FHOD3: variants seen among roughly 807,000 people sequenced by gnomAD.
FHOD3 encodes the protein FH1/FH2 domain-containing protein 3.
A neutral mutation model predicts 173.0 loss-of-function variants in FHOD3; 90 were observed. The ratio of observed to expected loss-of-function variants is 0.52; its 90% CI spans 0.44 to 0.62. The LOEUF (loss-of-function observed/expected upper bound fraction) is 0.62. Ranked by LOEUF, FHOD3 falls within the 20% of genes least tolerant of loss-of-function variation. The pLI, the probability that FHOD3 is intolerant of heterozygous loss-of-function variation, is 0.00. For missense variants in FHOD3, 1,945 were observed against 2,034.7 expected, an observed-to-expected ratio of 0.96 and a Z score of 0.85; for synonymous variants, 828 against 823.0, an observed-to-expected ratio of 1.01 and a Z score of -0.10.
At chr18:36,540,558 A>G (rs986429800) in intron 5 of FHOD3, among the ~76,000 whole-genome samples, 3 of 152,218 alleles carry the variant, frequency 2.0e-5, no homozygotes, top group Admixed American at 6.5e-5. Context: ...CAGTGCTGCT[A>G]TATCCAGGTC....
chr18:36,758,397 T>C (rs1194450171), intron 25 of FHOD3, among the ~76,000 whole-genome samples: 1 of 152,242 alleles, frequency 6.6e-6, no homozygotes, highest in African/African-American at 2.4e-5. Context: ...GATATTTTAT[T>C]TAAAGTAACT....
intron 20 of FHOD3, among the ~76,000 whole-genome samples, chr18:36,739,068 AT>A (rs775096889): frequency 4.8e-4 from 73 of 152,298 alleles, no homozygotes; most frequent in Non-Finnish European, 7.9e-4. Context: ...GACAAAAGCA[AT>A]CCTTAGCTGC....
At chr18:36,459,109 T>C (rs973136670) in intron 3 of FHOD3, among the ~76,000 whole-genome samples, 5 of 152,206 alleles carry the variant, frequency 3.3e-5, no homozygotes, top group Non-Finnish European at 5.9e-5. Flanking sequence ...TGTGTTTCTT[T>C]TTCCTATACT....
In FHOD3 at chr18:36,740,851, T is replaced by G. The variant is rs1233038072; in HGVS notation, c.3759+13T>G. On this transcript the variant is annotated intron_variant, in intron 21 of 28. Transcript: ENST00000590592. ...AACTACAGAAAAGGTAAGCTCTCTG[T>G]AAGAGAGGCCGCTGATCCCACATCC... The G allele has an allele frequency of 6.2e-7, 1 of 1,601,718 alleles. No homozygotes were observed. Among genetic ancestry groups the G allele is most frequent in the African/African-American group, 1.4e-5 (1 of 73,820 alleles).
intron 10 of FHOD3, among the ~76,000 whole-genome samples, chr18:36,643,564 C>T (rs1428376194): frequency 6.6e-6 from 1 of 152,114 alleles, no homozygotes; most frequent in East Asian, 1.9e-4. Context: ...ACCTATATAT[C>T]CTCGTATCAA....
In FHOD3 at chr18:36,297,807, G is replaced by A; in HGVS notation, c.-29G>A. On this transcript the variant is annotated 5_prime_UTR_variant, in exon 1 of 29. Transcript: ENST00000590592. ...CGGCCCGCGGCCCCGCTAACCCCGG[G>A]GCCCGCGCCCCCGCGGCAGGGATGC... is the stretch of plus-strand genomic sequence containing the variant. 2 of 1,492,648 alleles carry A rather than the reference G, an allele frequency of 1.3e-6. No individual in the cohort carries two copies. Among genetic ancestry groups the A allele is most frequent in the South Asian group, 1.3e-5 (1 of 78,864 alleles). 92.5% of individuals were successfully genotyped at this position (1,492,648 alleles called of 1,614,324 possible).
chr18:36,413,662 C>T (rs937765324), intron 3 of FHOD3, among the ~76,000 whole-genome samples: 1 of 152,190 alleles, frequency 6.6e-6, no homozygotes, highest in East Asian at 1.9e-4. Context: ...CTAAGGGACA[C>T]TTAGAGTTAC....
intron 1 of FHOD3, among the ~76,000 whole-genome samples, chr18:36,305,773 G>A (rs558293624): frequency 6.6e-6 from 1 of 152,286 alleles, no homozygotes; most frequent in African/African-American, 2.4e-5. Flanking sequence ...ACGAGGAGGA[G>A]GGTCCCTCTG....
intron 7 of FHOD3, among the ~76,000 whole-genome samples, chr18:36,599,557 C>A (rs937942037): frequency 1.3e-5 from 2 of 152,174 alleles, no homozygotes; most frequent in African/African-American, 4.8e-5. Context: ...TGTGAAAAGA[C>A]ATGGAACATG....
rs777048376 is a variant in FHOD3 at position 36,718,724 on chromosome 18, A to T, written c.3417+9A>T. On this transcript the variant is annotated intron_variant, in intron 19 of 28. Coordinates refer to ENST00000590592, the MANE Select transcript of FHOD3 (RefSeq NM_001281740.3). ...AACTGTCTGTCTCAAAGGTACTGCTAGTCTTCAGCATGCTTCTTGATTGGA... is the reference window on the plus strand; with the variant it reads ...AACTGTCTGTCTCAAAGGTACTGCTTGTCTTCAGCATGCTTCTTGATTGGA... 3.1e-6 allele frequency: 5 copies of T among 1,606,704 alleles called. No homozygotes were observed. The highest frequency in any genetic ancestry group is 4.3e-6 in the Non-Finnish European group (5 of 1,175,512).
chr18:36,709,378 G>T lies in FHOD3; in HGVS notation c.2520G>T (p.Arg840Ser). Residue 840 changes from arginine (R) to serine (S), a missense_variant, in exon 18 of 29, where the codon AGG becomes AGT. Arg to Ser is a moderately radical substitution (Grantham distance 110, BLOSUM62 -1). Coordinates refer to ENST00000590592, the MANE Select transcript of FHOD3 (RefSeq NM_001281740.3). ...AGGAGAAGGAGGACAAGCTCTCCAG[G>T]GACAGGACAACTGGTAAATGAAGCC... ...EREEKEDKLS[R>S]DRTTGLWPAG... 1 of 1,612,882 alleles carries T rather than the reference G, an allele frequency of 6.2e-7. No homozygotes were observed. The highest frequency in any genetic ancestry group is 8.5e-7 in the Non-Finnish European group (1 of 1,179,194).
chr18:36,525,476 TTTCTGCACCA>T (rs1213021594), intron 5 of FHOD3, among the ~76,000 whole-genome samples: 1 of 152,202 alleles, frequency 6.6e-6, no homozygotes, highest in Non-Finnish European at 1.5e-5. Flanking sequence ...CATGCCTGGA[TTTCTGCACCA>T]TGGAAACTGT....
At chr18:36,328,378 G>A (rs2044787392) in intron 1 of FHOD3, among the ~76,000 whole-genome samples, 1 of 152,186 alleles carries the variant, frequency 6.6e-6, no homozygotes, top group South Asian at 2.1e-4. Flanking sequence ...GGAACAGCAA[G>A]TGCAAGGGTC....
At chr18:36,678,524 CAAAAAAA>C (rs58064190) in intron 14 of FHOD3, among the ~76,000 whole-genome samples, 12 of 71,154 alleles carry the variant, frequency 1.7e-4, no homozygotes, top group African/African-American at 3.4e-4. Flanking sequence ...GACCCTGTCT[CAAAAAAA>C]AAAAAAAAAA....
intron 3 of FHOD3, among the ~76,000 whole-genome samples, chr18:36,427,467 C>A (rs1322073128): frequency 1.3e-5 from 2 of 152,144 alleles, no homozygotes; most frequent in Non-Finnish European, 2.9e-5. Flanking sequence ...AGTGTTCATC[C>A]CTCTTCCCAA....
At chr18:36,497,356 G>T (rs2054798231) in intron 3 of FHOD3, among the ~76,000 whole-genome samples, 1 of 152,220 alleles carries the variant, frequency 6.6e-6, no homozygotes. Flanking sequence ...GTCAGAACCT[G>T]CCTGAGGTCT....
intron 3 of FHOD3, among the ~76,000 whole-genome samples, chr18:36,425,118 G>A (rs1164138474): frequency 2.0e-5 from 3 of 152,174 alleles, no homozygotes; most frequent in Non-Finnish European, 4.4e-5. Context: ...AAGATGTACA[G>A]TACATAAGAT....
intron 26 of FHOD3, 82 bp from the exon 27 acceptor site, chr18:36,760,526 T>G (rs1250218679): frequency 1.3e-5 from 17 of 1,345,288 alleles, no homozygotes; most frequent in Non-Finnish European, 1.6e-5. Flanking sequence ...AGAGGAGCTT[T>G]TCCTCAACCA....
chr18:36,701,881 A>G (rs1031247563), intron 17 of FHOD3, among the ~76,000 whole-genome samples: 1 of 152,200 alleles, frequency 6.6e-6, no homozygotes, highest in Non-Finnish European at 1.5e-5. Context: ...TGTTCGGGTC[A>G]AGCAGGTTCA....
Sources: allele counts gnomAD v4.1 joint callset (sites outside exome capture counted in the v4.1 genomes callset), GRCh38; gene constraint gnomAD v4.1.1; transcripts MANE v1.5; gene names NCBI Gene and HGNC (gene_info 2026-07-23, HGNC 2026-07-21).